Variants in DOCK8 observed in about 807,000 individuals in gnomAD.
DOCK8 encodes the protein dedicator of cytokinesis protein 8.
A neutral mutation model predicts 245.6 loss-of-function variants in DOCK8; 141 were observed. The ratio of observed to expected loss-of-function variants is 0.57; its 90% confidence interval spans 0.50 to 0.66. The LOEUF (loss-of-function observed/expected upper bound fraction) is 0.66. Among genes scored for constraint, DOCK8 ranks in the 30% least tolerant of loss-of-function variants. The pLI is 0.00. For missense variants in DOCK8, 2,965 were observed against 2,603.4 expected, an observed-to-expected ratio of 1.14 and a Z score of -3.02; for synonymous variants, 1,168 against 970.2, an observed-to-expected ratio of 1.20 and a Z score of -3.79.
In DOCK8 at chr9:418,142, G is replaced by A; in HGVS notation, c.3775G>A (p.Val1259Met). ...QEGAGAINQN[V>M]ALAIAGNNFN... ...AGGAGCCGGTGCCATTAACCAGAATGTGGCTCTGGCCATAGCAGGGAATAA... is the reference window on the plus strand; with the variant it reads ...AGGAGCCGGTGCCATTAACCAGAATATGGCTCTGGCCATAGCAGGGAATAA... Residue 1259 changes from valine (V) to methionine (M), a missense_variant, in exon 30 of 48, where the codon GTG becomes ATG. This residue lies in a region of DOCK8 where 2,825 missense variants were observed against 2,453.5 expected (regional missense o/e 1.15). Transcript: ENST00000432829. 1.2e-6 allele frequency: 2 copies of A among 1,614,226 alleles called. No individual in the cohort carries two copies. The highest frequency in any genetic ancestry group is 1.7e-6 in the Non-Finnish European group (2 of 1,180,042).
chr9:336,794 A>G, intron 12 of DOCK8, 76 bp downstream of exon 12: 1 of 1,576,870 alleles, frequency 6.3e-7, no homozygotes, highest in South Asian at 1.1e-5. Flanking sequence ...GGAGGAGGAT[A>G]CGTAGTGATT....
At chr9:401,381 G>A (rs1195200996) in intron 26 of DOCK8, among the ~76,000 whole-genome samples, 5 of 152,094 alleles carry the variant, frequency 3.3e-5, no homozygotes, top group African/African-American at 1.2e-4. Context: ...GAGGAGCAGG[G>A]GAACTCCCAG....
intron 14 of DOCK8, among the ~76,000 whole-genome samples, chr9:347,344 A>G (rs113644173): frequency 0.019 from 2,879 of 152,048 alleles, 109 homozygotes; most frequent in African/African-American, 0.065. Flanking sequence ...TCTCTACAAC[A>G]ACAACAAAAA....
chr9:243,955 C>A (rs868663579), intron 1 of DOCK8, among the ~76,000 whole-genome samples: 2 of 151,898 alleles, frequency 1.3e-5, no homozygotes, highest in Non-Finnish European at 2.9e-5. Flanking sequence ...GAGGCCGAGG[C>A]GGGCAGATCA....
chr9:264,822 G>A (rs1441320754), intron 1 of DOCK8, among the ~76,000 whole-genome samples: 2 of 152,200 alleles, frequency 1.3e-5, no homozygotes, highest in African/African-American at 2.4e-5. Flanking sequence ...TGAGATAGAT[G>A]TGTGTTTTCA....
chr9:230,842 T>G (rs1370029933), intron 1 of DOCK8, among the ~76,000 whole-genome samples: 5 of 152,168 alleles, frequency 3.3e-5, no homozygotes, highest in Admixed American at 3.3e-4. Context: ...TTTCTCCCAT[T>G]CTGTAGGTTG....
At chr9:272,076 A>G (rs1365354390) in intron 2 of DOCK8, among the ~76,000 whole-genome samples, 2 of 152,220 alleles carry the variant, frequency 1.3e-5, no homozygotes, top group African/African-American at 4.8e-5. Flanking sequence ...TTGGAAAAGC[A>G]TATTCCAAAA....
Position 428,478 on chromosome 9 carries a change from C to T in DOCK8, c.4455C>T (p.Leu1485=), listed in dbSNP as rs1375666728. ...TTYLTHCFAT[L]RALIAKFGDL... is the part of the protein sequence containing the mutation. ...ACCTGACTCACTGCTTTGCAACACT[C>T]CGTGCTCTCATCGCCAAGGTAAACT... The change falls in exon 35 of 48, where the codon CTC becomes CTT. Residue 1485 remains leucine (L), a synonymous_variant. Coordinates refer to ENST00000432829, the MANE Select transcript of DOCK8 (RefSeq NM_203447.4). 12 of 1,614,044 alleles carry T rather than the reference C, an allele frequency of 7.4e-6. No individual in the cohort carries two copies. The highest frequency in any genetic ancestry group is 1.0e-5 in the Non-Finnish European group (12 of 1,180,024).
chr9:220,573 ACTT>A (rs1450548614), intron 1 of DOCK8, among the ~76,000 whole-genome samples: 1 of 152,118 alleles, frequency 6.6e-6, no homozygotes, highest in African/African-American at 2.4e-5. Context: ...CCATACTCAG[ACTT>A]CTTGCTGAGA....
intron 24 of DOCK8, among the ~76,000 whole-genome samples, chr9:392,317 T>G (rs140534509): frequency 3.4e-4 from 52 of 152,126 alleles, no homozygotes; most frequent in African/African-American, 1.2e-3. Context: ...GGAAGCAATG[T>G]GGAATAGAGT....
At chr9:241,586 G>A (rs1488892282) in intron 1 of DOCK8, among the ~76,000 whole-genome samples, 1 of 152,174 alleles carries the variant, frequency 6.6e-6, no homozygotes, top group Non-Finnish European at 1.5e-5. Flanking sequence ...TACCATTCCA[G>A]TGTGTATCTA....
chr9:338,957 C>G (rs1385285451), intron 12 of DOCK8, 49 bp from the exon 13 acceptor site: 1 of 1,524,992 alleles, frequency 6.6e-7, no homozygotes, highest in East Asian at 2.3e-5. Context: ...TGTCCCCAAC[C>G]CAAGAGTCAA....
intron 32 of DOCK8, 103 bp from the exon 33 acceptor site, chr9:421,945 G>A (rs944902890): frequency 7.7e-6 from 8 of 1,039,590 alleles, no homozygotes; most frequent in Non-Finnish European, 1.2e-5. Context: ...ATTAGCCCGA[G>A]AAATGGTGCT....
intron 24 of DOCK8, 23 bp downstream of exon 24, chr9:390,589 T>G: frequency 1.9e-6 from 3 of 1,607,104 alleles, no homozygotes; most frequent in Non-Finnish European, 2.6e-6. Flanking sequence ...CGCGTTTGTA[T>G]CTGTGCTCAA....
chr9:302,483 A>T (rs1040980043), intron 4 of DOCK8, among the ~76,000 whole-genome samples: 1 of 152,242 alleles, frequency 6.6e-6, no homozygotes, highest in Admixed American at 6.5e-5. Flanking sequence ...TGGTAACAAA[A>T]ACAAAAATTG....
At chr9:435,624 G>T (rs1165433418) in intron 39 of DOCK8, among the ~76,000 whole-genome samples, 2 of 152,108 alleles carry the variant, frequency 1.3e-5, no homozygotes, top group Non-Finnish European at 2.9e-5. Flanking sequence ...CAAAAATCAA[G>T]AAAGAATCAA....
At chr9:396,724 C>T (rs2054474121) in intron 24 of DOCK8, 61 bp from the exon 25 acceptor site, 1 of 1,603,804 alleles carries the variant, frequency 6.2e-7, no homozygotes, top group Non-Finnish European at 8.5e-7. Flanking sequence ...TCCCCCTTTT[C>T]TGCATTGTAC....
At chr9:424,675 G>T (rs974362217) in intron 33 of DOCK8, among the ~76,000 whole-genome samples, 1 of 152,178 alleles carries the variant, frequency 6.6e-6, no homozygotes, top group Non-Finnish European at 1.5e-5. Flanking sequence ...CTCCCAAAGT[G>T]GTGGGATTAC....
At chr9:285,760 G>C (rs2048798206) in intron 2 of DOCK8, among the ~76,000 whole-genome samples, 1 of 152,086 alleles carries the variant, frequency 6.6e-6, no homozygotes, top group African/African-American at 2.4e-5. Flanking sequence ...AAATTGAAGA[G>C]CAAAGAACAC....
Sources: allele counts gnomAD v4.1 joint callset (sites outside exome capture counted in the v4.1 genomes callset), GRCh38; gene constraint gnomAD v4.1.1; regional missense constraint gnomAD v4.1.1; transcripts MANE v1.5; gene names NCBI Gene and HGNC (gene_info 2026-07-23, HGNC 2026-07-21).